ARHGAP24: variants seen among roughly 807,000 people sequenced by gnomAD.
The protein encoded by ARHGAP24 is Rho GTPase activating protein 24.
A neutral mutation model predicts 76.4 loss-of-function variants in ARHGAP24; 50 were observed. The ratio of observed to expected loss-of-function variants is 0.65; its 90% CI spans 0.52 to 0.83. ARHGAP24 has a LOEUF of 0.83. Ranked by LOEUF, ARHGAP24 falls within the 40% of genes least tolerant of loss-of-function variation. The pLI, the probability that ARHGAP24 is intolerant of heterozygous loss-of-function variation, is 0.00. For synonymous variants in ARHGAP24, 345 were observed against 323.3 expected (o/e 1.07, Z -0.72); for missense variants, 930 against 914.2 (o/e 1.02, Z -0.22).
At chr4:85,479,763 AG>A (rs1722738409) in intron 1 of ARHGAP24, among the ~76,000 whole-genome samples, 2 of 152,236 alleles carry the variant, frequency 1.3e-5, no homozygotes, top group South Asian at 4.1e-4. Flanking sequence ...GCTAATATGT[AG>A]AAAGGGGCTT....
intron 2 of ARHGAP24, among the ~76,000 whole-genome samples, chr4:85,612,121 C>G (rs1014845681): frequency 1.4e-5 from 2 of 142,218 alleles, no homozygotes; most frequent in African/African-American, 2.6e-5. Context: ...CACACACACA[C>G]AGACCAGTGT....
At chr4:85,757,583 A>T (rs6819944) in intron 3 of ARHGAP24, among the ~76,000 whole-genome samples, 138,195 of 152,226 alleles carry the variant, frequency 0.91, 64,246 homozygotes, top group East Asian at 1. Flanking sequence ...TCCATGGTGT[A>T]TATGTGCCAC....
intron 2 of ARHGAP24, among the ~76,000 whole-genome samples, chr4:85,572,850 A>G (rs1727190591): frequency 6.6e-6 from 1 of 151,492 alleles, no homozygotes; most frequent in Admixed American, 6.6e-5. Context: ...AATGTAGGAT[A>G]AATAACTTTA....
At chr4:85,529,856 G>T (rs1467192898) in intron 1 of ARHGAP24, among the ~76,000 whole-genome samples, 2 of 151,796 alleles carry the variant, frequency 1.3e-5, no homozygotes, top group African/African-American at 4.8e-5. Flanking sequence ...GACTATGAGG[G>T]TTATTCCTTT....
At chr4:85,537,338 A>AGCCATTTATAT (rs1317879268) in intron 1 of ARHGAP24, among the ~76,000 whole-genome samples, 1 of 152,180 alleles carries the variant, frequency 6.6e-6, no homozygotes, top group Non-Finnish European at 1.5e-5. Flanking sequence ...TCTTGTGCTC[A>AGCCATTTATAT]GCCATTTATA....
intron 4 of ARHGAP24, among the ~76,000 whole-genome samples, chr4:85,940,924 C>A (rs1418056545): frequency 1.3e-5 from 2 of 152,102 alleles, no homozygotes; most frequent in African/African-American, 4.8e-5. Context: ...ACTACTGAGT[C>A]CATAAAGAAA....
chr4:85,544,511 AAAATGT>A (rs1406277234), intron 1 of ARHGAP24, among the ~76,000 whole-genome samples: 1 of 152,164 alleles, frequency 6.6e-6, no homozygotes, highest in Non-Finnish European at 1.5e-5. Context: ...TCTAGATCAA[AAAATGT>A]ACATTCATGT....
intron 3 of ARHGAP24, chr4:85,827,873 G>C (rs1041471824): frequency 2.3e-6 from 3 of 1,285,670 alleles, no homozygotes; most frequent in South Asian, 1.2e-5. Flanking sequence ...AGTTGGGCTC[G>C]AATGTGCTTT....
chr4:85,802,236 A>G (rs891117102), intron 3 of ARHGAP24, among the ~76,000 whole-genome samples: 1 of 152,084 alleles, frequency 6.6e-6, no homozygotes, highest in African/African-American at 2.4e-5. Context: ...CTCGTATCCA[A>G]CTCCAAAGTT....
At chr4:85,495,280 C>A (rs1248413159) in intron 1 of ARHGAP24, among the ~76,000 whole-genome samples, 1 of 148,714 alleles carries the variant, frequency 6.7e-6, no homozygotes, top group Non-Finnish European at 1.5e-5. Flanking sequence ...AGGAAGAGAG[C>A]GGCTAGTAGA....
At chr4:85,735,821 A>T (rs1267717502) in intron 3 of ARHGAP24, among the ~76,000 whole-genome samples, 1 of 152,200 alleles carries the variant, frequency 6.6e-6, no homozygotes, top group African/African-American at 2.4e-5. Flanking sequence ...TTTATAAAAC[A>T]TTACATTAAA....
intron 1 of ARHGAP24, among the ~76,000 whole-genome samples, chr4:85,546,632 A>G (rs1994069): frequency 0.12 from 18,612 of 152,248 alleles, 3,247 homozygotes; most frequent in African/African-American, 0.39. Flanking sequence ...TCAAGGTCAA[A>G]TTAATTCCAA....
intron 1 of ARHGAP24, among the ~76,000 whole-genome samples, chr4:85,541,606 C>A (rs1289973815): frequency 6.6e-6 from 1 of 151,902 alleles, no homozygotes; most frequent in Admixed American, 6.5e-5. Flanking sequence ...TAATCAGTTC[C>A]TTTTCATTGC....
At chr4:85,587,306 A>G (rs1727902150) in intron 2 of ARHGAP24, among the ~76,000 whole-genome samples, 1 of 152,212 alleles carries the variant, frequency 6.6e-6, no homozygotes. Flanking sequence ...TGTCGCCATT[A>G]CAGTACTGTC....
At chr4:85,636,598 C>T (rs996778845) in intron 2 of ARHGAP24, among the ~76,000 whole-genome samples, 9 of 151,842 alleles carry the variant, frequency 5.9e-5, no homozygotes, top group Admixed American at 5.3e-4. Context: ...TGCTAGCCAT[C>T]ACTATTACGC....
At chr4:85,692,756 T>C (rs972724306) in intron 2 of ARHGAP24, among the ~76,000 whole-genome samples, 1 of 152,222 alleles carries the variant, frequency 6.6e-6, no homozygotes, top group Non-Finnish European at 1.5e-5. Flanking sequence ...TCAACTTTCT[T>C]CTGAATGTCG....
chr4:85,727,972 T>C (rs1046258681), intron 3 of ARHGAP24, among the ~76,000 whole-genome samples: 7 of 151,576 alleles, frequency 4.6e-5, no homozygotes, highest in Admixed American at 1.3e-4. Context: ...TTTTGAAGGA[T>C]AATCTAAAGT....
intron 2 of ARHGAP24, among the ~76,000 whole-genome samples, chr4:85,606,668 C>T (rs1720206370): frequency 6.6e-6 from 1 of 152,118 alleles, no homozygotes; most frequent in Non-Finnish European, 1.5e-5. Context: ...TTTATTCATT[C>T]AGCAAATATT....
intron 3 of ARHGAP24, among the ~76,000 whole-genome samples, chr4:85,895,001 CAAAAAAAA>C (rs1222078793): frequency 1.8e-5 from 1 of 54,344 alleles, no homozygotes. Flanking sequence ...AAACAAAAAG[CAAAAAAAA>C]AAAAAAAAAA....
Sources: gnomAD v4.1 joint callset for allele counts (sites outside exome capture counted in the v4.1 genomes callset) on GRCh38, gnomAD v4.1.1 for gene constraint, MANE v1.5 for transcripts, NCBI Gene and HGNC (gene_info 2026-07-23, HGNC 2026-07-21) for gene names.